C10orf67: variants seen among roughly 807,000 people sequenced by gnomAD.
C10orf67 encodes the protein chromosome 10 open reading frame 67, also known as uncharacterized protein C10orf67, mitochondrial.
C10orf67 carries 60 observed loss-of-function variants against 35.6 expected under a neutral mutation model. The ratio of observed to expected loss-of-function variants is 1.68; its 90% CI spans 1.37 to 2.09. The LOEUF is 2.09. C10orf67 is among the 30% of genes most tolerant of loss of function. The pLI is 0.00. For synonymous variants in C10orf67, 167 were observed against 115.8 expected (o/e 1.44, Z -2.84); for missense variants, 474 against 330.2 (o/e 1.44, Z -3.38).
chr10:23,286,562 A>C, intron 7 of C10orf67, among the ~76,000 whole-genome samples: 1 of 85,940 alleles, frequency 1.2e-5, no homozygotes. Context: ...AAGGGAAGGA[A>C]GGGAGGGAAG....
chr10:23,326,259 A>G (rs557683024), intron 2 of C10orf67, among the ~76,000 whole-genome samples: 15 of 152,290 alleles, frequency 9.8e-5, no homozygotes, highest in African/African-American at 3.6e-4. Flanking sequence ...TTGAAAACCA[A>G]AGATTAAAAG....
chr10:23,315,880 A>AC (rs375336198), intron 4 of C10orf67, among the ~76,000 whole-genome samples: 113 of 152,188 alleles, frequency 7.4e-4, no homozygotes, highest in African/African-American at 2.7e-3. Context: ...GTATAGCAGC[A>AC]CAATCATGGC....
At chr10:23,297,033 T>C (rs1034191252) in intron 5 of C10orf67, among the ~76,000 whole-genome samples, 6 of 152,234 alleles carry the variant, frequency 3.9e-5, no homozygotes, top group Admixed American at 2.6e-4. Flanking sequence ...CCTTCTTCCA[T>C]GGCTAGCCAT....
chr10:23,246,576 G>A (rs1211948622), intron 12 of C10orf67, among the ~76,000 whole-genome samples: 4 of 152,150 alleles, frequency 2.6e-5, no homozygotes, highest in Non-Finnish European at 5.9e-5. Context: ...AGATCTTACA[G>A]ATACAGTCAT....
intron 10 of C10orf67, among the ~76,000 whole-genome samples, chr10:23,261,720 C>G (rs1842755204): frequency 1.3e-5 from 2 of 152,138 alleles, no homozygotes; most frequent in Admixed American, 6.5e-5. Context: ...AGCAATATAT[C>G]AACCTGGTGA....
intron 15 of C10orf67, among the ~76,000 whole-genome samples, chr10:23,211,313 G>A (rs767985575): frequency 1.3e-5 from 2 of 152,186 alleles, no homozygotes; most frequent in African/African-American, 2.4e-5. Flanking sequence ...TTCACAGGAC[G>A]TGTTCCTCTT....
intron 4 of C10orf67, among the ~76,000 whole-genome samples, chr10:23,315,031 T>G (rs1844648486): frequency 6.6e-6 from 1 of 152,246 alleles, no homozygotes; most frequent in African/African-American, 2.4e-5. Flanking sequence ...GCACTTCGTT[T>G]TATTTTCAAC....
Position 23,250,692 on chromosome 10 carries a change from C to A in C10orf67, c.1201-1G>T. 1 of 398,514 alleles carries A rather than the reference C, an allele frequency of 2.5e-6. No individual in the cohort carries two copies. The highest frequency in any genetic ancestry group is 4.4e-5 in the Admixed American group (1 of 22,716). 24.7% of individuals were successfully genotyped at this position (398,514 alleles called of 1,614,324 possible). Reference sequence around the variant, plus strand: ...ACTCCAAACCATGTTTGTCTTCAACCTTTCAATAGAAAATATAACACAAAG... The same window carrying A: ...ACTCCAAACCATGTTTGTCTTCAACATTTCAATAGAAAATATAACACAAAG... On this transcript the variant is annotated splice_acceptor_variant, in intron 10 of 15. Coordinates refer to ENST00000636213, the MANE Select transcript of C10orf67 (RefSeq NM_001371909.1). LOFTEE classifies it high-confidence loss of function.
intron 4 of C10orf67, among the ~76,000 whole-genome samples, chr10:23,311,781 A>G (rs1420252314): frequency 1.3e-5 from 2 of 152,164 alleles, no homozygotes; most frequent in African/African-American, 4.8e-5. Flanking sequence ...CCTGCTGTTC[A>G]AGGAAAGTGT....
At chr10:23,332,749 G>A (rs954577845) in intron 2 of C10orf67, among the ~76,000 whole-genome samples, 5 of 151,746 alleles carry the variant, frequency 3.3e-5, no homozygotes, top group African/African-American at 1.2e-4. Flanking sequence ...GGGTTACACA[G>A]TTATTCATTA....
At chr10:23,229,457 T>C (rs565831683) in intron 13 of C10orf67, among the ~76,000 whole-genome samples, 36 of 136,412 alleles carry the variant, frequency 2.6e-4, no homozygotes, top group African/African-American at 8.9e-4. Context: ...GGGGGAGGGA[T>C]AGCATTAGGA....
chr10:23,273,071 G>T lies in C10orf67; in HGVS notation c.976-5817C>A, dbSNP rs537619476. The stretch of plus-strand genomic sequence containing the variant: ...CTGCATTCACTTATTAATTCTAGTA[G>T]CTATTTTTGTAGATTTGTTAGGATT... On this transcript the variant is annotated intron_variant, in intron 8 of 15. Transcript: ENST00000636213. Among the ~76,000 whole-genome samples, 7 of 152,196 alleles carry T rather than the reference G, an allele frequency of 4.6e-5. 1 individual carries two copies. The highest frequency in any genetic ancestry group is 1.7e-4 in the African/African-American group (7 of 41,526).
chr10:23,269,290 T>C (rs1294328429), intron 8 of C10orf67, among the ~76,000 whole-genome samples: 1 of 152,200 alleles, frequency 6.6e-6, no homozygotes, highest in Non-Finnish European at 1.5e-5. Flanking sequence ...AACATATATG[T>C]TTGCAAAGTT....
At chr10:23,341,250 A>G (rs1258365788) in intron 1 of C10orf67, among the ~76,000 whole-genome samples, 2 of 152,186 alleles carry the variant, frequency 1.3e-5, no homozygotes, top group Non-Finnish European at 2.9e-5. Context: ...TCATCTAATC[A>G]ACTACCTACT....
intron 4 of C10orf67, chr10:23,318,998 T>A (rs1364529351): frequency 5.6e-6 from 4 of 718,090 alleles, no homozygotes; most frequent in Non-Finnish European, 1.0e-5. Flanking sequence ...AGAACCCTTT[T>A]TTTTCTTTCC....
At chr10:23,333,382 A>C (rs552735256) in intron 1 of C10orf67, among the ~76,000 whole-genome samples, 200 bp from the exon 2 acceptor site, 222 of 152,286 alleles carry the variant, frequency 1.5e-3, no homozygotes, top group Non-Finnish European at 2.2e-3. Flanking sequence ...GGACTGAGGC[A>C]TATTGCTCTA....
At chr10:23,238,685 C>T (rs188227242) in intron 13 of C10orf67, among the ~76,000 whole-genome samples, 1 of 152,128 alleles carries the variant, frequency 6.6e-6, no homozygotes, top group African/African-American at 2.4e-5. Flanking sequence ...GATCCTCCAA[C>T]GTTTTATTTG....
At chr10:23,240,805 A>G (rs1274217194) in intron 12 of C10orf67, among the ~76,000 whole-genome samples, 1 of 152,216 alleles carries the variant, frequency 6.6e-6, no homozygotes, top group Non-Finnish European at 1.5e-5. Context: ...AAGACCTGAG[A>G]AGGAGCCTCC....
chr10:23,249,899 A>T (rs1393971245), intron 12 of C10orf67, among the ~76,000 whole-genome samples: 1 of 152,258 alleles, frequency 6.6e-6, no homozygotes, highest in Non-Finnish European at 1.5e-5. Flanking sequence ...ATGTTAGGGT[A>T]AGGGAAAAAA....
Sources: gnomAD v4.1 joint callset for allele counts (sites outside exome capture counted in the v4.1 genomes callset) on GRCh38, gnomAD v4.1.1 for gene constraint, MANE v1.5 for transcripts, NCBI Gene and HGNC (gene_info 2026-07-23, HGNC 2026-07-21) for gene names.